Variants in GRHL3 observed in about 807,000 individuals in gnomAD.
GRHL3 encodes grainyhead-like protein 3 homolog.
Under a neutral mutation model 70.3 loss-of-function variants are expected in GRHL3, and 20 were observed. That is an observed-to-expected ratio of 0.28 (90% CI 0.20 to 0.41). The LOEUF (loss-of-function observed/expected upper bound fraction) is 0.41. Among genes scored for constraint, GRHL3 ranks in the 10% least tolerant of loss-of-function variants. GRHL3 has a pLI of 1.00. For missense variants in GRHL3, 637 were observed against 762.3 expected, an observed-to-expected ratio of 0.84 and a Z score of 1.94; for synonymous variants, 299 against 299.9, an observed-to-expected ratio of 1.00 and a Z score of 0.03.
chr1:24,339,405 G>A (rs560455438), intron 7 of GRHL3, among the ~76,000 whole-genome samples: 10 of 152,000 alleles, frequency 6.6e-5, no homozygotes, highest in East Asian at 5.8e-4. Context: ...TCAGCCTCCC[G>A]AGTAGCTGAG....
At chr1:24,325,720 G>C (rs372770139) in intron 1 of GRHL3, among the ~76,000 whole-genome samples, 2 of 152,308 alleles carry the variant, frequency 1.3e-5, no homozygotes, top group African/African-American at 4.8e-5. Flanking sequence ...CAGTGAACTG[G>C]GGAAAGGTCC....
intron 13 of GRHL3, among the ~76,000 whole-genome samples, chr1:24,347,111 G>C (rs906222146): frequency 6.6e-6 from 1 of 152,170 alleles, no homozygotes; most frequent in Non-Finnish European, 1.5e-5. Context: ...GCCATGAATC[G>C]AGCTTTGCGT....
intron 13 of GRHL3, 117 bp downstream of exon 13, chr1:24,346,758 C>A (rs1201083875): frequency 1.3e-6 from 1 of 746,184 alleles, no homozygotes; most frequent in Non-Finnish European, 2.3e-6. Context: ...CCCCTTGGAG[C>A]TAGGTTTAGG....
At chr1:24,360,851 C>G (rs1641059040) in intron 15 of GRHL3, 1 of 1,609,168 alleles carries the variant, frequency 6.2e-7, no homozygotes. Flanking sequence ...ATCCTCTGAC[C>G]TGGGCCAGGC....
At chr1:24,326,385 C>A (rs543463103) in intron 1 of GRHL3, among the ~76,000 whole-genome samples, 1 of 145,902 alleles carries the variant, frequency 6.9e-6, no homozygotes, top group African/African-American at 2.6e-5. Flanking sequence ...CTCCACCCCT[C>A]TTCTCCTCCA....
chr1:24,322,435 A>G lies in GRHL3; in HGVS notation c.17+2867A>G, dbSNP rs972272844. On this transcript the variant is annotated intron_variant, in intron 1 of 15. Transcript: ENST00000361548. This position sits in a 1 kb window ranked among gnomAD's most constrained non-coding sequence, Gnocchi z 4.4. Reference sequence around the variant, plus strand: ...CCGCTGTGGTTTTGTGGTCGAAACCATGATTGCCAGGAGCAAATTTTTGTC... The same window carrying G: ...CCGCTGTGGTTTTGTGGTCGAAACCGTGATTGCCAGGAGCAAATTTTTGTC... Among the ~76,000 whole-genome samples the G allele has an allele frequency of 2.0e-5, 3 of 152,248 alleles. No individual in the cohort carries two copies. The highest frequency in any genetic ancestry group is 4.4e-5 in the Non-Finnish European group (3 of 68,032).
At chr1:24,329,127 A>G (rs1639508219) in intron 1 of GRHL3, among the ~76,000 whole-genome samples, 1 of 152,076 alleles carries the variant, frequency 6.6e-6, no homozygotes, top group East Asian at 1.9e-4. Context: ...CGCTCTCCGC[A>G]CCCCTAGAAC....
downstream of GRHL3, chr1:24,358,160 G>T (rs1391269705): frequency 2.1e-6 from 1 of 485,388 alleles, no homozygotes; most frequent in African/African-American, 1.9e-5. Context: ...GGGCTTCCAG[G>T]CTTGGCCACC....
chr1:24,339,627 C>T (rs973758639), intron 7 of GRHL3, 41 bp from the exon 8 acceptor site: 12 of 1,449,988 alleles, frequency 8.3e-6, no homozygotes, highest in Non-Finnish European at 8.6e-6. Flanking sequence ...GTCCCAGATC[C>T]CTTCCTTCCT....
At chr1:24,324,993 C>T (rs1452680137) in intron 1 of GRHL3, among the ~76,000 whole-genome samples, 1 of 152,150 alleles carries the variant, frequency 6.6e-6, no homozygotes, top group Non-Finnish European at 1.5e-5. Flanking sequence ...AACCCTGGGG[C>T]GCCCCTGTCG....
intron 1 of GRHL3, 37 bp downstream of exon 1, chr1:24,319,605 G>T (rs1272612168): frequency 5.6e-6 from 9 of 1,613,704 alleles, no homozygotes; most frequent in Non-Finnish European, 7.6e-6. Context: ...CGCTCTCAGA[G>T]CGTGGAGGCT....
intron 1 of GRHL3, among the ~76,000 whole-genome samples, chr1:24,328,715 C>T (rs1036415420): frequency 1.3e-5 from 2 of 152,186 alleles, no homozygotes; most frequent in Non-Finnish European, 2.9e-5. Flanking sequence ...ATGTCTTGCC[C>T]CAAGCTGACC....
chr1:24,364,226 C>A (rs1016021379), exon 16 of GRHL3: 2 of 1,544,506 alleles, frequency 1.3e-6, no homozygotes, highest in Non-Finnish European at 1.7e-6. Flanking sequence ...CGCCACCCCC[C>A]ACCTGACTGT....
chr1:24,359,350 G>A (rs942903553), downstream of GRHL3, among the ~76,000 whole-genome samples: 2 of 152,250 alleles, frequency 1.3e-5, no homozygotes, highest in African/African-American at 2.4e-5. The surrounding 1 kb of genome is among the most constrained non-coding windows in gnomAD (Gnocchi z 5.3). Context: ...GGATGTGGTA[G>A]AGCAGGGTCA....
chr1:24,358,479 G>A (rs1640870656), downstream of GRHL3: 1 of 1,370,148 alleles, frequency 7.3e-7, no homozygotes, highest in Admixed American at 1.7e-5. Flanking sequence ...CCTGAGGAAT[G>A]TCCTGGGGAC....
rs540595137 is a variant in GRHL3 at position 24,322,460 on chromosome 1, C to T, written c.17+2892C>T. ...ATGATTGCCAGGAGCAAATTTTTGT[C>T]GTGCACGAGGTGTGTTATTAAAAGT... On this transcript the variant is annotated intron_variant, in intron 1 of 15. Transcript: ENST00000361548. This position sits in a 1 kb window ranked among gnomAD's most constrained non-coding sequence, Gnocchi z 4.4. Among the ~76,000 whole-genome samples the T allele has an allele frequency of 2.9e-4, 44 of 152,322 alleles. No individual in the cohort carries two copies. The highest frequency in any genetic ancestry group is 1.1e-3 in the African/African-American group (44 of 41,584).
intron 15 of GRHL3, 94 bp downstream of exon 15, chr1:24,350,216 T>G: frequency 9.6e-7 from 1 of 1,044,726 alleles, no homozygotes; most frequent in East Asian, 2.6e-5. Flanking sequence ...GATGTGGAGT[T>G]GGGGTGGAGA....
intron 13 of GRHL3, 58 bp from the exon 14 acceptor site, chr1:24,347,410 C>T: frequency 7.1e-7 from 1 of 1,407,930 alleles, no homozygotes; most frequent in Non-Finnish European, 1.0e-6. Flanking sequence ...TCCCCAGCCC[C>T]TGAGATGATC....
chr1:24,344,927 A>G lies in GRHL3; in HGVS notation c.1450A>G (p.Asn484Asp). ...CCCCTCGGCAGGACCCAGCAGCTCCAACAGGTATGGAGAGAAACAACCACA... is the reference window on the plus strand; with the variant it reads ...CCCCTCGGCAGGACCCAGCAGCTCCGACAGGTATGGAGAGAAACAACCACA... Reference protein sequence around the residue: ...AAPSAGPSSSNRLPLKRTCSP... With the variant: ...AAPSAGPSSSDRLPLKRTCSP... The change falls in exon 12 of 16, where the codon AAC becomes GAC. Residue 484 changes from asparagine (N) to aspartate (D), a missense_variant. Physicochemically the swap from Asn to Asp is conservative, Grantham distance 23. This residue lies in a region of GRHL3 where 387 missense variants were observed against 513.8 expected (regional missense o/e 0.75). Transcript: ENST00000361548. 6.2e-7 allele frequency: 1 copy of G among 1,613,366 alleles called. No homozygotes were observed. The highest frequency in any genetic ancestry group is 8.5e-7 in the Non-Finnish European group (1 of 1,179,670).
Sources: gnomAD v4.1 joint callset for allele counts (sites outside exome capture counted in the v4.1 genomes callset) on GRCh38, gnomAD v4.1.1 for gene constraint, gnomAD v4.1.1 regional missense constraint, Gnocchi (gnomAD v3.1) non-coding constraint, MANE v1.5 for transcripts, NCBI Gene and HGNC (gene_info 2026-07-23, HGNC 2026-07-21) for gene names.